RPL30: variants seen among roughly 807,000 people sequenced by gnomAD.
RPL30 encodes the protein large ribosomal subunit protein eL30.
For missense variants in RPL30, 60 were observed against 138.0 expected (o/e 0.43, Z 2.83); for synonymous variants, 40 against 50.4 (o/e 0.79, Z 0.87).
In RPL30 at chr8:98,045,150, C is replaced by A. The variant is rs1465301659; in HGVS notation, c.22-62G>T. On this transcript the variant is annotated intron_variant, in intron 2 of 4. Coordinates refer to ENST00000287038, the MANE Select transcript of RPL30 (RefSeq NM_000989.4). ...CGCCTGCAACCGCCTCAAAACCGGA[C>A]CCAGCTTTTTGAAGCCGAGCCCCTT... 7 of 1,581,984 alleles carry A rather than the reference C, an allele frequency of 4.4e-6. No homozygotes were observed. In the Admixed American group the frequency reaches 5.5e-5, roughly 12 times the overall value.
rs932604026 is a variant in RPL30, at chr8:98,045,534, G to A, written c.-59C>T. The A allele has an allele frequency of 1.1e-4, 71 of 658,112 alleles. No homozygotes were observed. The Admixed American group carries it at 1.1e-3, about 10-fold the overall frequency. 40.8% of individuals were successfully genotyped at this position (658,112 alleles called of 1,614,324 possible). ...AACAGCAGCCGCTAAGATGGCCGGG[G>A]AACGAGAAAGGAAAGACTTCCCACA... On this transcript the variant is annotated 5_prime_UTR_variant, in exon 1 of 5. Transcript: ENST00000287038.
Position 98,041,749 on chromosome 8 carries a change from G to A in RPL30, c.*52C>T. On this transcript the variant is annotated 3_prime_UTR_variant, in exon 5 of 5. Coordinates refer to ENST00000287038, the MANE Select transcript of RPL30 (RefSeq NM_000989.4). ...TTAAAACAAGCAAATTTTATTAAAG[G>A]AAAATTTTGCAGGTTTAAGGTTTGC... The A allele has an allele frequency of 6.5e-6, 8 of 1,226,242 alleles. No homozygotes were observed. Among genetic ancestry groups the A allele is most frequent in the Non-Finnish European group, 9.4e-6 (8 of 850,150 alleles). 76.0% of individuals were successfully genotyped at this position (1,226,242 alleles called of 1,614,324 possible). A position where few individuals can be genotyped will look rare whatever the true frequency, so the allele number is the denominator to read the frequency against.
chr8:98,044,827 C>T (rs1814446638), intron 3 of RPL30, 116 bp downstream of exon 3: 3 of 1,179,102 alleles, frequency 2.5e-6, no homozygotes, highest in Non-Finnish European at 2.4e-6. Context: ...CAATCGCTAC[C>T]GTAATTATCC....
intron 4 of RPL30, 23 bp from the exon 5 acceptor site, chr8:98,041,873 C>T (rs367653698): frequency 8.0e-5 from 123 of 1,531,186 alleles, no homozygotes; most frequent in Non-Finnish European, 1.0e-4. Context: ...AATAAAAAAA[C>T]AGTAATTTTA....
rs962632108 is a variant in RPL30 at position 98,042,567 on chromosome 8, G to A, written c.298+78C>T. On this transcript the variant is annotated intron_variant, in intron 4 of 4. Coordinates refer to ENST00000287038, the MANE Select transcript of RPL30 (RefSeq NM_000989.4). The stretch of plus-strand genomic sequence containing the variant: ...CTGAATTTAGGAACCAAAGACATTT[G>A]CGTAGTAAGAAATACTTGTCCAGAC... 5 of 1,352,388 alleles carry A rather than the reference G, an allele frequency of 3.7e-6. No homozygotes were observed. The African/African-American group carries it at 7.4e-5, about 20-fold the overall frequency. The allele number at this position is 1,352,388 out of a possible 1,614,324, so 83.8% of individuals were successfully genotyped here.
At chr8:98,045,153 A>C in intron 2 of RPL30, 65 bp from the exon 3 acceptor site, 1 of 1,577,286 alleles carries the variant, frequency 6.3e-7, no homozygotes, top group Non-Finnish European at 8.6e-7. Context: ...AACCGGACCC[A>C]GCTTTTTGAA....
At chr8:98,043,750 CCTATA>C (rs1427519713) in intron 3 of RPL30, 3 of 152,014 alleles carry the variant, frequency 2.0e-5, no homozygotes, top group African/African-American at 7.2e-5. Context: ...GGAAAGGAGT[CCTATA>C]CTATCTTGCC....
chr8:98,042,601 A>T, intron 4 of RPL30, 44 bp downstream of exon 4: 1 of 1,484,546 alleles, frequency 6.7e-7, no homozygotes, highest in East Asian at 2.3e-5. Context: ...ACATTACATT[A>T]GAAAGGCAAA....
intron 1 of RPL30, 37 bp from the exon 2 acceptor site, chr8:98,045,436 T>C: frequency 6.2e-7 from 1 of 1,601,302 alleles, no homozygotes; most frequent in Non-Finnish European, 8.6e-7. Flanking sequence ...AATTTTAGGA[T>C]CCGGAGTTAC....
rs985722224 is a variant in RPL30 at position 98,045,545 on chromosome 8, G to C, written c.-70C>G. 1 of 634,622 alleles carries C rather than the reference G, an allele frequency of 1.6e-6. No individual in the cohort carries two copies. The highest frequency in any genetic ancestry group is 2.8e-5 in the East Asian group (1 of 36,126). 39.3% of individuals were successfully genotyped at this position (634,622 alleles called of 1,614,324 possible). The stretch of plus-strand genomic sequence containing the variant: ...CTAAGATGGCCGGGGAACGAGAAAG[G>C]AAAGACTTCCCACAATGCAAAGCTC... On this transcript the variant is annotated 5_prime_UTR_variant, in exon 1 of 5. Transcript: ENST00000287038.
In RPL30 at chr8:98,044,828, G is replaced by C. The variant is rs968802364; in HGVS notation, c.167+115C>G. 17 of 1,188,536 alleles carry C rather than the reference G, an allele frequency of 1.4e-5. No individual in the cohort carries two copies. The African/African-American group carries it at 2.6e-4, about 18-fold the overall frequency. The allele number at this position is 1,188,536 out of a possible 1,614,324, so 73.6% of individuals were successfully genotyped here. On this transcript the variant is annotated intron_variant, in intron 3 of 4. Transcript: ENST00000287038. ...AGGGCCAAACACCACAATCGCTACC[G>C]TAATTATCCTGCAAGTGTTCGAGTT...
At chr8:98,045,268 C>T (rs1011048653) in intron 2 of RPL30, 79 bp downstream of exon 2, 2 of 1,597,840 alleles carry the variant, frequency 1.3e-6, no homozygotes, top group East Asian at 2.2e-5. Context: ...CTGTCACCCC[C>T]GTGGGCTCAC....
At chr8:98,042,495 C>T in intron 4 of RPL30, 150 bp downstream of exon 4, 1 of 741,828 alleles carries the variant, frequency 1.3e-6, no homozygotes, top group Admixed American at 2.9e-5. Context: ...TACCAATTCT[C>T]TACAAAATAC....
intron 3 of RPL30, 123 bp from the exon 4 acceptor site, chr8:98,042,898 A>G (rs893645838): frequency 1.1e-6 from 1 of 873,568 alleles, no homozygotes; most frequent in Non-Finnish European, 1.7e-6. Flanking sequence ...AAAATCACAT[A>G]TTACTCTTAA....
At chr8:98,042,896 A>C (rs994046276) in intron 3 of RPL30, 121 bp from the exon 4 acceptor site, 1 of 886,250 alleles carries the variant, frequency 1.1e-6, no homozygotes. Context: ...ACAAAATCAC[A>C]TATTACTCTT....
intron 4 of RPL30, chr8:98,042,312 T>C: frequency 4.4e-6 from 2 of 455,258 alleles, no homozygotes; most frequent in South Asian, 3.4e-5. Flanking sequence ...ATGTCTGTTC[T>C]CAAGAAGCAA....
chr8:98,044,671 A>T (rs1028476558), intron 3 of RPL30: 4 of 406,336 alleles, frequency 9.8e-6, no homozygotes, highest in African/African-American at 2.1e-5. Flanking sequence ...AAAAAACAGT[A>T]ATGTGTCTGT....
intron 4 of RPL30, chr8:98,042,153 T>C: frequency 1.7e-6 from 1 of 600,190 alleles, no homozygotes; most frequent in Non-Finnish European, 3.2e-6. Context: ...ATGCATGGTC[T>C]TAATATAGCG....
At position 98,041,836 on chromosome 8, in the gene RPL30, T is replaced by C; in HGVS notation, c.313A>G (p.Ile105Val). Residue 105 changes from isoleucine (I) to valine (V), a missense_variant, in exon 5 of 5, where the codon ATT becomes GTT. Physicochemically the swap from Ile to Val is conservative, Grantham distance 29. Coordinates refer to ENST00000287038, the MANE Select transcript of RPL30 (RefSeq NM_000989.4). The stretch of plus-strand genomic sequence containing the variant: ...CCAGTCTGTTCTGGCATGCTTCTAA[T>C]GATGTCAGAGTCACCTAAAAAATAA... ...AIIDPGDSDI[I>V]RSMPEQTGEK 5 of 1,601,098 alleles carry C rather than the reference T, an allele frequency of 3.1e-6. No individual in the cohort carries two copies. Among genetic ancestry groups the C allele is most frequent in the Non-Finnish European group, 4.3e-6 (5 of 1,172,586 alleles).
Sources: gnomAD v4.1 joint callset for allele counts on GRCh38, gnomAD v4.1.1 for gene constraint, MANE v1.5 for transcripts, NCBI Gene and HGNC (gene_info 2026-07-23, HGNC 2026-07-21) for gene names.